Variants in RBFOX1 observed in about 807,000 individuals in gnomAD.
RBFOX1 encodes the protein RNA binding protein fox-1 homolog 1.
A neutral mutation model predicts 57.7 loss-of-function variants in RBFOX1; 8 were observed. The observed-to-expected ratio is 0.14, with a 90% CI of 0.08 to 0.25. The LOEUF is 0.25. RBFOX1 is among the 10% of genes least tolerant of loss of function. The probability of loss-of-function intolerance (pLI) is 1.00; values close to 1 mark genes in which losing one functional copy is unlikely to be tolerated. For missense variants in RBFOX1, 611 were observed against 548.5 expected (o/e 1.11, Z -1.14); for synonymous variants, 326 against 222.4 (o/e 1.47, Z -4.15).
At chr16:5,982,769 T>C (rs1439026709) in intron 4 of RBFOX1, among the ~76,000 whole-genome samples, 1 of 152,224 alleles carries the variant, frequency 6.6e-6, no homozygotes, top group Non-Finnish European at 1.5e-5. Flanking sequence ...CAGAACTTAC[T>C]AGAAATAGAT....
At chr16:6,399,531 A>G (rs1421816516) in intron 2 of RBFOX1, among the ~76,000 whole-genome samples, 3 of 152,130 alleles carry the variant, frequency 2.0e-5, no homozygotes, top group Non-Finnish European at 4.4e-5. Context: ...CCAGGACTTC[A>G]TTGTCCATTT....
chr16:6,676,673 C>CT (rs756578276), intron 3 of RBFOX1, among the ~76,000 whole-genome samples: 17,454 of 103,674 alleles, frequency 0.17, 1,782 homozygotes, highest in Middle Eastern at 0.19. Context: ...TTTTTCTTTT[C>CT]TTTTTTTTTT....
intron 1 of RBFOX1, among the ~76,000 whole-genome samples, chr16:5,314,829 G>GA (rs35632580): frequency 0.58 from 80,915 of 139,160 alleles, 24,815 homozygotes; most frequent in East Asian, 0.73. Flanking sequence ...GAAGATATTG[G>GA]AAAAAAAAAA....
rs555055369 is a variant in RBFOX1 at position 5,693,098 on chromosome 16, G to A, written c.318+94137G>A. ...AGTATTCTGGTTGCTATGGAAGAGAGCTGAGTGGACAGACGTGGGTGTGAG... is the reference window on the plus strand; with the variant it reads ...AGTATTCTGGTTGCTATGGAAGAGAACTGAGTGGACAGACGTGGGTGTGAG... On this transcript the variant is annotated intron_variant, in intron 3 of 19. Coordinates refer to the RBFOX1 transcript ENST00000641259. Among the ~76,000 whole-genome samples the A allele has an allele frequency of 2.6e-5, 4 of 152,302 alleles. No homozygotes were observed. The South Asian group carries it at 6.2e-4, about 24-fold the overall frequency.
chr16:6,454,225 T>C (rs2094704427), intron 2 of RBFOX1, among the ~76,000 whole-genome samples: 1 of 152,106 alleles, frequency 6.6e-6, no homozygotes, highest in African/African-American at 2.4e-5. Context: ...AATTTGGGAG[T>C]GGGGCAAGTA....
chr16:6,105,002 A>G (rs933344954), intron 1 of RBFOX1, among the ~76,000 whole-genome samples: 2 of 152,214 alleles, frequency 1.3e-5, no homozygotes, highest in African/African-American at 2.4e-5. Context: ...TCTCTTTAAC[A>G]TAAGAATGGC....
At chr16:5,301,511 C>A (rs1466630378) in intron 1 of RBFOX1, among the ~76,000 whole-genome samples, 4 of 148,156 alleles carry the variant, frequency 2.7e-5, no homozygotes, top group Admixed American at 1.4e-4. Flanking sequence ...CCCAGCTACT[C>A]GGGAAGCTGA....
rs142426770 is a variant in RBFOX1 at position 7,089,837 on chromosome 16, A to C, written c.27+37739A>C. On this transcript the variant is annotated intron_variant, in intron 4 of 15. Coordinates refer to ENST00000550418, the MANE Select transcript of RBFOX1 (RefSeq NM_018723.4). Reference sequence around the variant, plus strand: ...TTTATTAACTGCATTTATCACATTGAAAAATGGGCACTACCTTCCTTTCCT... The same window carrying C: ...TTTATTAACTGCATTTATCACATTGCAAAATGGGCACTACCTTCCTTTCCT... 1.1e-3 allele frequency among the ~76,000 whole-genome samples: 161 copies of C among 152,258 alleles called. 1 individual carries two copies. Among genetic ancestry groups the C allele is most frequent in the African/African-American group, 3.6e-3 (151 of 41,542 alleles).
At chr16:7,070,942 A>G (rs1258899570) in intron 4 of RBFOX1, among the ~76,000 whole-genome samples, 1 of 152,106 alleles carries the variant, frequency 6.6e-6, no homozygotes, top group Non-Finnish European at 1.5e-5. Context: ...TCAGCTTGGA[A>G]TTTGGAAAAT....
At chr16:6,383,733 G>A (rs1402354920) in intron 2 of RBFOX1, among the ~76,000 whole-genome samples, 2 of 151,858 alleles carry the variant, frequency 1.3e-5, no homozygotes, top group East Asian at 3.9e-4. Context: ...TCGCACCACT[G>A]CACTCCAGCC....
chr16:6,876,178 C>T (rs1039144239), intron 3 of RBFOX1, among the ~76,000 whole-genome samples: 1 of 151,302 alleles, frequency 6.6e-6, no homozygotes, highest in Non-Finnish European at 1.5e-5. Flanking sequence ...GGGTGAAGGA[C>T]CCTCTCAAAA....
At chr16:7,708,277 T>C (rs908234153) in intron 14 of RBFOX1, among the ~76,000 whole-genome samples, 1 of 152,176 alleles carries the variant, frequency 6.6e-6, no homozygotes, top group Admixed American at 6.5e-5. Context: ...AGATATTTAG[T>C]AGGCATTCAG....
chr16:7,095,904 T>G, intron 4 of RBFOX1, among the ~76,000 whole-genome samples: 1 of 150,734 alleles, frequency 6.6e-6, no homozygotes, highest in East Asian at 2.0e-4. Flanking sequence ...TCCCAGCTAC[T>G]TGGGAGGCTG....
chr16:5,409,778 G>T (rs2066965451), intron 1 of RBFOX1, among the ~76,000 whole-genome samples: 1 of 152,132 alleles, frequency 6.6e-6, no homozygotes, highest in African/African-American at 2.4e-5. Flanking sequence ...TGGGCATGGT[G>T]GTGGCTCACA....
At chr16:7,430,654 C>T (rs12597283) in intron 4 of RBFOX1, among the ~76,000 whole-genome samples, 40,192 of 118,172 alleles carry the variant, frequency 0.34, 5,947 homozygotes, top group East Asian at 0.46. Flanking sequence ...AGTGAGACTC[C>T]ATCTCAAAAA....
rs527801580 is a variant in RBFOX1 at position 7,362,209 on chromosome 16, GTTT to G, written c.28-155934_28-155932del. ...TGTGTGTTTGTGTATGATTGTGTTT[GTTT>G]TTTATGTGTTTGTGTGTTTTGTGTG... On this transcript the variant is annotated intron_variant, in intron 4 of 15. Coordinates refer to ENST00000550418, the MANE Select transcript of RBFOX1 (RefSeq NM_018723.4). 3.7e-3 allele frequency among the ~76,000 whole-genome samples: 553 copies of G among 150,428 alleles called. 2 individuals carry two copies. The highest frequency in any genetic ancestry group is 0.01 in the Middle Eastern group (3 of 288).
At position 6,564,375 on chromosome 16, in the gene RBFOX1, G is replaced by C. The variant is rs144388532; in HGVS notation, c.-63-90228G>C. ...GAAATACTGTGTTCGTAAAAACATG[G>C]TGTGAACCCAGGAGACAGAGCTTGC... is the stretch of plus-strand genomic sequence containing the variant. On this transcript the variant is annotated intron_variant, in intron 2 of 15. Coordinates refer to ENST00000550418, the MANE Select transcript of RBFOX1 (RefSeq NM_018723.4). Among the ~76,000 whole-genome samples the C allele has an allele frequency of 8.6e-3, 1,309 of 152,232 alleles. 23 individuals carry two copies. Among genetic ancestry groups the C allele is most frequent in the African/African-American group, 0.03 (1,226 of 41,538 alleles).
At chr16:6,272,772 A>G (rs1295370958) in intron 1 of RBFOX1, among the ~76,000 whole-genome samples, 2 of 152,192 alleles carry the variant, frequency 1.3e-5, no homozygotes, top group Admixed American at 6.5e-5. Flanking sequence ...GAACCCAGAA[A>G]TAGACCTACA....
chr16:5,434,609 A>T (rs114326401), intron 1 of RBFOX1, among the ~76,000 whole-genome samples: 2,798 of 152,182 alleles, frequency 0.018, 33 homozygotes, highest in East Asian at 0.046. Flanking sequence ...AAGAGCCACC[A>T]TGCCCAGCCT....
Sources: gnomAD v4.1 joint callset for allele counts (sites outside exome capture counted in the v4.1 genomes callset) on GRCh38, gnomAD v4.1.1 for gene constraint, MANE v1.5 for transcripts, NCBI Gene and HGNC (gene_info 2026-07-23, HGNC 2026-07-21) for gene names.